FAF1: variants seen among roughly 807,000 people sequenced by gnomAD.
The protein encoded by FAF1 is Fas associated factor 1, also known as FAS-associated factor 1.
FAF1 carries 25 observed loss-of-function variants against 92.5 expected under a neutral mutation model. The ratio of observed to expected loss-of-function variants is 0.27; its 90% CI spans 0.20 to 0.38. The LOEUF is 0.38. Among genes scored for constraint, FAF1 ranks in the 10% least tolerant of loss-of-function variants. The pLI is 1.00. For missense variants in FAF1, 636 were observed against 793.3 expected, an observed-to-expected ratio of 0.80 and a Z score of 2.38; for synonymous variants, 234 against 273.2, an observed-to-expected ratio of 0.86 and a Z score of 1.42.
intron 6 of FAF1, among the ~76,000 whole-genome samples, chr1:50,723,431 T>C (rs1658498183): frequency 6.6e-6 from 1 of 151,730 alleles, no homozygotes; most frequent in African/African-American, 2.4e-5. Flanking sequence ...GGATGAGAAC[T>C]ATTTGAAAGC....
chr1:50,596,057 G>A, intron 9 of FAF1, 64 bp downstream of exon 9: 1 of 1,017,846 alleles, frequency 9.8e-7, no homozygotes, highest in Non-Finnish European at 1.5e-6. Flanking sequence ...AAAAAAAAAG[G>A]GAAGTGCGCA....
At chr1:50,470,791 A>C (rs987955836) in intron 18 of FAF1, 2 of 152,244 alleles carry the variant, frequency 1.3e-5, no homozygotes, top group Non-Finnish European at 2.9e-5. Flanking sequence ...AGTATGATGG[A>C]GTGGGATTCA....
chr1:50,779,240 T>C (rs1296679263), intron 4 of FAF1, among the ~76,000 whole-genome samples: 3 of 152,184 alleles, frequency 2.0e-5, no homozygotes, highest in African/African-American at 7.2e-5. Context: ...CTCAAAGTCA[T>C]CCATGAAGGT....
chr1:50,947,132 C>T (rs1053637189), intron 1 of FAF1, among the ~76,000 whole-genome samples: 4 of 152,202 alleles, frequency 2.6e-5, no homozygotes, highest in African/African-American at 9.6e-5. Flanking sequence ...TACTCTTTCC[C>T]TATTAAAGAA....
At chr1:50,729,046 A>C (rs189413649) in intron 6 of FAF1, among the ~76,000 whole-genome samples, 798 of 75,816 alleles carry the variant, frequency 0.011, 1 homozygote, top group Middle Eastern at 0.016. Flanking sequence ...ATATATATAT[A>C]TATATATATA....
In FAF1 at chr1:50,614,796, G is replaced by A. The variant is rs1652832586; in HGVS notation, c.745-18580C>T. Among the ~76,000 whole-genome samples the A allele has an allele frequency of 4.3e-5, 6 of 140,480 alleles. No individual in the cohort carries two copies. The South Asian group carries it at 6.8e-4, about 16-fold the overall frequency. 92.2% of individuals were successfully genotyped at this position (140,480 alleles called of 152,430 possible). ...AGAGGTTGCAGTGAGCCGAGATCGC[G>A]TCATTGCACTCCAGCCTGGGCCGCA... is the stretch of plus-strand genomic sequence containing the variant. On this transcript the variant is annotated intron_variant, in intron 8 of 18. Transcript: ENST00000396153.
At chr1:50,603,320 G>T (rs1046571692) in intron 8 of FAF1, among the ~76,000 whole-genome samples, 12 of 152,154 alleles carry the variant, frequency 7.9e-5, no homozygotes, top group Non-Finnish European at 1.6e-4. Flanking sequence ...AACAACCTTA[G>T]AGTAGTGGAG....
rs1448010888 is a variant in FAF1 at position 50,477,335 on chromosome 1, T to C, written c.1654-1656A>G. ...GCATCTGACACATAATAGGCTTCAGTGATAGCTGCTTTTCTTATAATGAAG... is the reference window on the plus strand; with the variant it reads ...GCATCTGACACATAATAGGCTTCAGCGATAGCTGCTTTTCTTATAATGAAG... On this transcript the variant is annotated intron_variant, in intron 17 of 18. Coordinates refer to ENST00000396153, the MANE Select transcript of FAF1 (RefSeq NM_007051.3). Among the ~76,000 whole-genome samples, 4 of 152,280 alleles carry C rather than the reference T, an allele frequency of 2.6e-5. No individual in the cohort carries two copies. In the South Asian group the frequency reaches 8.3e-4, roughly 32 times the overall value.
At position 50,637,465 on chromosome 1, in the gene FAF1, C is replaced by CA. The variant is rs551259355; in HGVS notation, c.744+17976dup. On this transcript the variant is annotated intron_variant, in intron 8 of 18. Transcript: ENST00000396153. The stretch of plus-strand genomic sequence containing the variant: ...AAGACTCCGTCTCAAAAAAAGAAAA[C>CA]AAAAAAAAAAACCCAGAAAATTGTT... Among the ~76,000 whole-genome samples, 904 of 137,248 alleles carry CA rather than the reference C, an allele frequency of 6.6e-3. 5 individuals carry two copies. The highest frequency in any genetic ancestry group is 0.015 in the African/African-American group (563 of 37,606). The allele number at this position is 137,248 out of a possible 152,430, so 90.0% of individuals were successfully genotyped here.
chr1:50,899,848 G>A (rs1452006587), intron 1 of FAF1, among the ~76,000 whole-genome samples: 7 of 152,166 alleles, frequency 4.6e-5, no homozygotes, highest in South Asian at 2.1e-4. Flanking sequence ...CAGAGAAAGC[G>A]TTAGTATTAG....
chr1:50,631,535 T>C (rs1213868592), intron 8 of FAF1, among the ~76,000 whole-genome samples: 1 of 152,164 alleles, frequency 6.6e-6, no homozygotes, highest in Non-Finnish European at 1.5e-5. Flanking sequence ...ATGTTGGCAA[T>C]TCAGATATGA....
intron 7 of FAF1, among the ~76,000 whole-genome samples, chr1:50,665,281 T>G (rs1655569644): frequency 6.6e-6 from 1 of 152,214 alleles, no homozygotes. Context: ...TGAAATGTTT[T>G]GATTTTTAAA....
chr1:50,835,509 T>G (rs1644192250), intron 2 of FAF1, among the ~76,000 whole-genome samples: 1 of 144,068 alleles, frequency 6.9e-6, no homozygotes, highest in Non-Finnish European at 1.5e-5. Flanking sequence ...AGGCGGGGGT[T>G]GCAGTGAGCC....
chr1:50,511,086 C>T (rs1255979620), intron 15 of FAF1, among the ~76,000 whole-genome samples: 1 of 152,162 alleles, frequency 6.6e-6, no homozygotes, highest in Non-Finnish European at 1.5e-5. Context: ...ATGTAAGGCT[C>T]TCCAAATGCA....
Position 50,575,053 on chromosome 1 carries a change from C to G in FAF1, c.1113+7565G>C, listed in dbSNP as rs1039621759. ...CCTCCCAAGTAGCTGGGACTACAGG[C>G]ACCCGCCACCACGCCCGGCTAATTT... On this transcript the variant is annotated intron_variant, in intron 12 of 18. Coordinates refer to ENST00000396153, the MANE Select transcript of FAF1 (RefSeq NM_007051.3). Among the ~76,000 whole-genome samples, 5 of 151,824 alleles carry G rather than the reference C, an allele frequency of 3.3e-5. No homozygotes were observed. In the East Asian group the frequency reaches 7.8e-4, roughly 24 times the overall value.
At chr1:50,758,475 A>G (rs1660174624) in intron 4 of FAF1, among the ~76,000 whole-genome samples, 1 of 152,274 alleles carries the variant, frequency 6.6e-6, no homozygotes, top group Non-Finnish European at 1.5e-5. Context: ...CTGTACTTGT[A>G]CACATTTTAC....
chr1:50,479,179 G>C (rs1335081546), intron 17 of FAF1, among the ~76,000 whole-genome samples: 5 of 151,636 alleles, frequency 3.3e-5, no homozygotes, highest in South Asian at 4.1e-4. Context: ...CATAGGAATA[G>C]AGCCGATAAC....
At chr1:50,672,538 C>G (rs1281545882) in intron 7 of FAF1, among the ~76,000 whole-genome samples, 1 of 150,858 alleles carries the variant, frequency 6.6e-6, no homozygotes, top group African/African-American at 2.4e-5. Flanking sequence ...CTACCTCGAC[C>G]TACCAAAGTG....
intron 1 of FAF1, among the ~76,000 whole-genome samples, chr1:50,903,789 A>G (rs533576486): frequency 2.8e-4 from 43 of 152,274 alleles, no homozygotes; most frequent in African/African-American, 1.0e-3. Context: ...TTAACAAGAA[A>G]TTAGGGAAGA....
Sources: gnomAD v4.1 joint callset for allele counts (sites outside exome capture counted in the v4.1 genomes callset) on GRCh38, gnomAD v4.1.1 for gene constraint, MANE v1.5 for transcripts, NCBI Gene and HGNC (gene_info 2026-07-23, HGNC 2026-07-21) for gene names.